The following UBAP2 variants were observed in gnomAD, a reference collection of about 807,000 sequenced individuals.
UBAP2 encodes ubiquitin associated protein 2, also known as ubiquitin-associated protein 2.
Under a neutral mutation model 139.6 loss-of-function variants are expected in UBAP2, and 75 were observed. The ratio of observed to expected loss-of-function variants is 0.54; its 90% CI spans 0.45 to 0.65. The LOEUF is 0.65. UBAP2 is among the 30% of genes least tolerant of loss of function. The pLI, the probability that UBAP2 is intolerant of heterozygous loss-of-function variation, is 0.00. For missense variants in UBAP2, 1,368 were observed against 1,369.6 expected (o/e 1.00, Z 0.02); for synonymous variants, 526 against 526.2 (o/e 1.00, Z 0.01).
chr9:33,930,753 G>A (rs1020098219), intron 19 of UBAP2, among the ~76,000 whole-genome samples: 4 of 151,792 alleles, frequency 2.6e-5, no homozygotes, highest in African/African-American at 7.3e-5. Flanking sequence ...AAAATTATCC[G>A]GGCATGGTGG....
At position 33,934,560 on chromosome 9, in the gene UBAP2, A is replaced by G. The variant is rs571292990; in HGVS notation, c.1970-932T>C. 3.9e-5 allele frequency among the ~76,000 whole-genome samples: 6 copies of G among 152,268 alleles called. No individual in the cohort carries two copies. The East Asian group carries it at 1.2e-3, about 29-fold the overall frequency. ...ATATATAAACCTTGTTCATAGATAA[A>G]CTGTATAAAGACACCACAGATACAC... is the stretch of plus-strand genomic sequence containing the variant. On this transcript the variant is annotated intron_variant, in intron 17 of 28. Coordinates refer to ENST00000379238, the MANE Select transcript of UBAP2 (RefSeq NM_001370062.2).
chr9:33,927,070 G>A lies in UBAP2; in HGVS notation c.2382C>T (p.Pro794=). 1 of 1,612,480 alleles carries A rather than the reference G, an allele frequency of 6.2e-7. No homozygotes were observed. The highest frequency in any genetic ancestry group is 8.5e-7 in the Non-Finnish European group (1 of 1,179,256). The change falls in exon 21 of 29, where the codon CCC becomes CCT. Residue 794 remains proline, a synonymous_variant. Coordinates refer to ENST00000379238, the MANE Select transcript of UBAP2 (RefSeq NM_001370062.2). ...GAGGCACCCCCTGAGGTAAGTTTGG[G>A]GGTGCTTTGCCTGTATAGAGGGAAA... is the stretch of plus-strand genomic sequence containing the variant. ...AAPLVTSGKA[P]PNLPQGVPPL... is the part of the protein sequence containing the mutation.
At position 33,922,872 on chromosome 9, in the gene UBAP2, C is replaced by T; in HGVS notation, c.3079G>A (p.Asp1027Asn). 6.3e-7 allele frequency: 1 copy of T among 1,596,176 alleles called. No individual in the cohort carries two copies. Among genetic ancestry groups the T allele is most frequent in the Non-Finnish European group, 8.6e-7 (1 of 1,168,800 alleles). The part of the protein sequence containing the change: ...GSVYNKTQTF[D>N]KQGFHAGTPP... Reference sequence around the variant, plus strand: ...GTCCCTGCATGAAATCCCTGCTTGTCAAAAGTCTACAGGGCAAAGAAGACA... The same window carrying T: ...GTCCCTGCATGAAATCCCTGCTTGTTAAAAGTCTACAGGGCAAAGAAGACA... Residue 1027 changes from aspartate (D) to asparagine (N), a missense_variant, in exon 28 of 29, where the codon GAC becomes AAC. Transcript: ENST00000379238.
chr9:33,994,869 T>C (rs909458064), intron 4 of UBAP2: 13 of 152,180 alleles, frequency 8.5e-5, no homozygotes, highest in African/African-American at 2.4e-5. Context: ...TCAGAGTTCA[T>C]TTTTGTATTT....
intron 1 of UBAP2, among the ~76,000 whole-genome samples, chr9:34,024,620 C>T (rs889995388): frequency 1.9e-5 from 2 of 103,234 alleles, no homozygotes; most frequent in Non-Finnish European, 4.3e-5. Flanking sequence ...TCTGGAAAAA[C>T]GGGTCAGAAA....
chr9:33,933,366 G>T, intron 18 of UBAP2, 124 bp downstream of exon 18: 2 of 1,169,012 alleles, frequency 1.7e-6, no homozygotes, highest in Non-Finnish European at 2.3e-6. Context: ...CAGTCGTAAT[G>T]CAAAAGCCCA....
chr9:33,980,220 C>CTTTTTTTTTTTTTTTTGTTTT (rs1820523900), intron 6 of UBAP2, among the ~76,000 whole-genome samples: 1 of 49,086 alleles, frequency 2.0e-5, no homozygotes, highest in African/African-American at 7.9e-5. Context: ...AGTGTCATTT[C>CTTTTTTTTTTTTTTTTGTTTT]TTTTTTTTTT....
At chr9:34,032,116 C>T (rs1825941141) in intron 1 of UBAP2, among the ~76,000 whole-genome samples, 1 of 152,142 alleles carries the variant, frequency 6.6e-6, no homozygotes, top group Non-Finnish European at 1.5e-5. Context: ...GGCAACATAG[C>T]ATGACCCTAT....
intron 19 of UBAP2, among the ~76,000 whole-genome samples, chr9:33,932,096 A>G (rs1587512340): frequency 6.6e-6 from 1 of 151,680 alleles, no homozygotes; most frequent in Non-Finnish European, 1.5e-5. Context: ...ATCTAGGGCT[A>G]CTCTTTGGCA....
At chr9:33,935,686 G>A (rs182019029) in intron 17 of UBAP2, 153 bp downstream of exon 17, 6 of 805,408 alleles carry the variant, frequency 7.4e-6, no homozygotes, top group East Asian at 2.5e-5. Context: ...TAACACCACA[G>A]CCAACACCTG....
chr9:34,034,852 A>C (rs1826189608), intron 1 of UBAP2, among the ~76,000 whole-genome samples: 1 of 149,210 alleles, frequency 6.7e-6, no homozygotes, highest in African/African-American at 2.5e-5. Context: ...CAGCCTGGGA[A>C]ACAGCGAGAC....
chr9:34,034,744 G>A (rs1265826376), intron 1 of UBAP2, among the ~76,000 whole-genome samples: 2 of 152,112 alleles, frequency 1.3e-5, no homozygotes, highest in Non-Finnish European at 2.9e-5. Flanking sequence ...GTAGTGGCAT[G>A]AGCCTATAGT....
chr9:34,016,361 CGGCAGCGGCGGTGGTGGTGGT>C (rs1316253467), intron 2 of UBAP2, among the ~76,000 whole-genome samples: 11 of 22,362 alleles, frequency 4.9e-4, no homozygotes, highest in Non-Finnish European at 3.6e-4. Context: ...GCAGCAGCGG[CGGCAGCGGCGGTGGTGGTGGT>C]GGTGGTGGTG....
intron 2 of UBAP2, among the ~76,000 whole-genome samples, chr9:34,008,562 G>A (rs1823442600): frequency 1.3e-5 from 2 of 151,912 alleles, no homozygotes; most frequent in South Asian, 2.1e-4. Flanking sequence ...TGGCCAACAT[G>A]AGACCCCGTC....
chr9:33,943,683 G>T, intron 14 of UBAP2, 94 bp from the exon 15 acceptor site: 1 of 1,101,586 alleles, frequency 9.1e-7, no homozygotes, highest in South Asian at 1.6e-5. Context: ...TAGGTTCCCA[G>T]GCAATACTGG....
intron 13 of UBAP2, among the ~76,000 whole-genome samples, chr9:33,945,323 C>G (rs1002712488): frequency 6.6e-6 from 1 of 151,938 alleles, no homozygotes; most frequent in Non-Finnish European, 1.5e-5. Context: ...ATGGTGAAAC[C>G]CCATCTCTAC....
intron 1 of UBAP2, among the ~76,000 whole-genome samples, chr9:34,021,671 T>C (rs1406708678): frequency 6.8e-6 from 1 of 146,390 alleles, no homozygotes; most frequent in Non-Finnish European, 1.5e-5. Context: ...GCTCGCTCCA[T>C]CACCCAGGCT....
rs1173781682 is a variant in UBAP2 at position 33,980,220 on chromosome 9, C to CTTTTTTTTTTTTTTTTTTTTT, written c.520+6519_520+6539dup. On this transcript the variant is annotated intron_variant, in intron 6 of 28. Transcript: ENST00000379238. ...TTAATCCAAATCCTGAGTGTCATTT[C>CTTTTTTTTTTTTTTTTTTTTT]TTTTTTTTTTTTTTTTTTTTTTTTT... is the stretch of plus-strand genomic sequence containing the variant. Among the ~76,000 whole-genome samples, 30 of 49,134 alleles carry CTTTTTTTTTTTTTTTTTTTTT rather than the reference C, an allele frequency of 6.1e-4. 10 individuals carry two copies. Among genetic ancestry groups the CTTTTTTTTTTTTTTTTTTTTT allele is most frequent in the Non-Finnish European group, 9.1e-4 (25 of 27,464 alleles). The allele number at this position is 49,134 out of a possible 152,430, so 32.2% of individuals were successfully genotyped here.
intron 17 of UBAP2, chr9:33,934,199 A>G (rs1261667770): frequency 6.3e-6 from 1 of 158,796 alleles, no homozygotes; most frequent in Non-Finnish European, 1.4e-5. Flanking sequence ...ATGCACAGTG[A>G]GCATTTCCTT....
Sources: allele counts gnomAD v4.1 joint callset (sites outside exome capture counted in the v4.1 genomes callset), GRCh38; gene constraint gnomAD v4.1.1; transcripts MANE v1.5; gene names NCBI Gene and HGNC (gene_info 2026-07-23, HGNC 2026-07-21).